Variants in CNKSR2 observed in about 807,000 individuals in gnomAD.
CNKSR2 encodes CNK homolog protein 2.
A neutral mutation model predicts 84.4 loss-of-function variants in CNKSR2; 14 were observed. The ratio of observed to expected loss-of-function variants is 0.17; its 90% CI spans 0.11 to 0.26. CNKSR2 has a LOEUF of 0.26. Ranked by LOEUF, CNKSR2 falls within the 10% of genes least tolerant of loss-of-function variation. CNKSR2 has a pLI of 1.00. For missense variants in CNKSR2, 485 were observed against 771.2 expected (o/e 0.63, Z 4.40); for synonymous variants, 275 against 277.9 (o/e 0.99, Z 0.10).
chrX:21,525,304 A>G (rs969529711), intron 9 of CNKSR2, among the ~76,000 whole-genome samples: 1 of 111,459 alleles, frequency 9.0e-6, no homozygotes, highest in African/African-American at 3.2e-5. Context: ...AAAGACAGGA[A>G]TAGTTGAACT....
chrX:21,442,868 G>T (rs962447067), intron 4 of CNKSR2, among the ~76,000 whole-genome samples: 8 of 111,201 alleles, frequency 7.2e-5, no homozygotes, highest in Admixed American at 3.9e-4. Flanking sequence ...ATGGAGCTTG[G>T]AGGTCATTAT....
intron 13 of CNKSR2, among the ~76,000 whole-genome samples, chrX:21,564,934 C>G (rs1000439470): frequency 1.8e-5 from 2 of 111,080 alleles, no homozygotes; most frequent in African/African-American, 6.5e-5. Context: ...CAGAGTCAGC[C>G]TGAAATCAGT....
At chrX:21,440,872 A>T (rs1178413943) in intron 4 of CNKSR2, 91 bp downstream of exon 4, 2 of 495,415 alleles carry the variant, frequency 4.0e-6, no homozygotes, top group Non-Finnish European at 6.6e-6. Context: ...AGTTTTTAAG[A>T]TACTGGTTTA....
At position 21,654,598 on chromosome X, in the gene CNKSR2, T is replaced by C. The variant is rs1435700561; in HGVS notation, c.*2077T>C. 1 of 111,878 alleles carries C rather than the reference T, an allele frequency of 8.9e-6. No individual in the cohort carries two copies. Among genetic ancestry groups the C allele is most frequent in the East Asian group, 2.8e-4 (1 of 3,565 alleles). 9.2% of individuals were successfully genotyped at this position (111,878 alleles called of 1,213,427 possible). ...GCATGAAAGAGACCTTTTAACACTA[T>C]ATAATATCTGTACATTTTATTGCAT... On this transcript the variant is annotated 3_prime_UTR_variant, in exon 22 of 22. Coordinates refer to ENST00000379510, the MANE Select transcript of CNKSR2 (RefSeq NM_014927.5).
intron 20 of CNKSR2, among the ~76,000 whole-genome samples, chrX:21,641,131 G>T (rs903571606): frequency 1.8e-5 from 2 of 111,840 alleles, no homozygotes; most frequent in Non-Finnish European, 3.8e-5. Context: ...GAAAGATCTC[G>T]TATAGAAATA....
chrX:21,595,196 T>C, intron 16 of CNKSR2, 128 bp from the exon 17 acceptor site: 1 of 654,476 alleles, frequency 1.5e-6, no homozygotes, highest in Non-Finnish European at 2.4e-6. Flanking sequence ...TACTGATTTC[T>C]GTCACCATGA....
At chrX:21,400,963 A>G (rs2090183612) in intron 1 of CNKSR2, among the ~76,000 whole-genome samples, 1 of 111,491 alleles carries the variant, frequency 9.0e-6, no homozygotes, top group Non-Finnish European at 1.9e-5. Flanking sequence ...ACTTCCTTAC[A>G]AGTGTTTTGC....
intron 8 of CNKSR2, among the ~76,000 whole-genome samples, chrX:21,515,406 CTG>C (rs2091717381): frequency 9.0e-6 from 1 of 111,148 alleles, no homozygotes; most frequent in Non-Finnish European, 1.9e-5. Flanking sequence ...TAGAAAGAAA[CTG>C]TTATCACTGT....
chrX:21,415,053 A>G (rs1433884564), intron 1 of CNKSR2, among the ~76,000 whole-genome samples: 1 of 111,790 alleles, frequency 8.9e-6, no homozygotes, highest in Non-Finnish European at 1.9e-5. Flanking sequence ...GATTCCATAT[A>G]CATTTTAGGA....
Position 21,609,463 on chromosome X carries a change from T to C in CNKSR2, c.2538T>C (p.Thr846=). ...ATGGGGGCAAGCCTCGAAGTTTTACTCTGCCTCGAGATAGCGGGTTCAACC... is the reference window on the plus strand; with the variant it reads ...ATGGGGGCAAGCCTCGAAGTTTTACCCTGCCTCGAGATAGCGGGTTCAACC... ...NGNGGKPRSF[T]LPRDSGFNHC... is the part of the protein sequence containing the mutation. Residue 846 remains threonine, a synonymous_variant, in exon 20 of 22, where the codon ACT becomes ACC. Coordinates refer to ENST00000379510, the MANE Select transcript of CNKSR2 (RefSeq NM_014927.5). 8.3e-7 allele frequency: 1 copy of C among 1,211,192 alleles called. No homozygotes were observed. Among genetic ancestry groups the C allele is most frequent in the Non-Finnish European group, 1.1e-6 (1 of 895,400 alleles).
chrX:21,520,834 T>C (rs997508364), intron 9 of CNKSR2, among the ~76,000 whole-genome samples: 2 of 110,352 alleles, frequency 1.8e-5, no homozygotes, highest in African/African-American at 6.5e-5. Flanking sequence ...TCCTAAATTG[T>C]ATTCTCATTT....
intron 1 of CNKSR2, among the ~76,000 whole-genome samples, chrX:21,377,679 G>C (rs1457392823): frequency 9.0e-6 from 1 of 111,304 alleles, no homozygotes; most frequent in African/African-American, 3.3e-5. Context: ...GTACTTTCTA[G>C]GGTATTTTTT....
intron 9 of CNKSR2, among the ~76,000 whole-genome samples, chrX:21,521,157 A>T (rs879210462): frequency 9.0e-6 from 1 of 110,523 alleles, no homozygotes; most frequent in Non-Finnish European, 1.9e-5. Context: ...TTGTGACTGA[A>T]AAAAAAACAT....
intron 4 of CNKSR2, among the ~76,000 whole-genome samples, chrX:21,453,297 A>G (rs909274569): frequency 8.9e-6 from 1 of 111,902 alleles, no homozygotes; most frequent in Non-Finnish European, 1.9e-5. Flanking sequence ...ATACTTTGCT[A>G]TACATATATG....
intron 4 of CNKSR2, among the ~76,000 whole-genome samples, chrX:21,460,436 A>G (rs2091047613): frequency 8.9e-6 from 1 of 111,838 alleles, no homozygotes; most frequent in Admixed American, 9.5e-5. Context: ...TAGTAAGCAT[A>G]TATATTATGG....
chrX:21,524,280 T>C (rs2091813107), intron 9 of CNKSR2, among the ~76,000 whole-genome samples: 1 of 111,084 alleles, frequency 9.0e-6, no homozygotes, highest in Non-Finnish European at 1.9e-5. Flanking sequence ...AGCAATAGGA[T>C]TGACTAATTT....
intron 1 of CNKSR2, 168 bp from the exon 2 acceptor site, chrX:21,426,329 C>T (rs1269922350): frequency 4.7e-6 from 2 of 429,778 alleles, no homozygotes; most frequent in African/African-American, 2.6e-5. Flanking sequence ...TTCTTTTTCA[C>T]TGTAGCCCAT....
chrX:21,590,710 C>A, intron 14 of CNKSR2, 90 bp downstream of exon 14: 1 of 972,020 alleles, frequency 1.0e-6, no homozygotes, highest in Non-Finnish European at 1.4e-6. Flanking sequence ...CTTGCCTGAG[C>A]CCAGTGTGGT....
In CNKSR2 at chrX:21,374,758, G is replaced by C. The variant is rs563970735; in HGVS notation, c.-140G>C. 9.4e-4 allele frequency: 508 copies of C among 543,039 alleles called. 1 individual carries two copies. Among genetic ancestry groups the C allele is most frequent in the South Asian group, 8.3e-3 (330 of 39,612 alleles). 44.8% of individuals were successfully genotyped at this position (543,039 alleles called of 1,213,427 possible). A position where few individuals can be genotyped will look rare whatever the true frequency, so the allele number is the denominator to read the frequency against. ...AAAAGACGTTACAGCCGCGAGACCC[G>C]ACACACAAAAGCCGCTTTCTCCGCG... is the stretch of plus-strand genomic sequence containing the variant. On this transcript the variant is annotated 5_prime_UTR_variant, in exon 1 of 22. Transcript: ENST00000379510.
Sources: allele counts gnomAD v4.1 joint callset (sites outside exome capture counted in the v4.1 genomes callset), GRCh38; gene constraint gnomAD v4.1.1; transcripts MANE v1.5; gene names NCBI Gene and HGNC (gene_info 2026-07-23, HGNC 2026-07-21).